Variants in C9orf50 observed in about 807,000 individuals in gnomAD.
C9orf50 encodes uncharacterized protein C9orf50.
Under a neutral mutation model 42.5 loss-of-function variants are expected in C9orf50, and 33 were observed. The observed-to-expected ratio is 0.78, with a 90% CI of 0.59 to 1.04. The LOEUF (loss-of-function observed/expected upper bound fraction) is 1.04. Among genes scored for constraint, C9orf50 ranks in the 50% least tolerant of loss-of-function variants. The pLI is 0.00. For synonymous variants in C9orf50, 257 were observed against 273.4 expected (o/e 0.94, Z 0.59); for missense variants, 547 against 594.3 (o/e 0.92, Z 0.83).
rs760868670 is a variant in C9orf50, at chr9:129,619,725, C to T, written c.599+15G>A. The T allele has an allele frequency of 3.1e-6, 5 of 1,613,624 alleles. No homozygotes were observed. The South Asian group carries it at 3.3e-5, about 11-fold the overall frequency. ...TGGCAACCCCGTCCCCACCAAGAAG[C>T]GGACTGACGCTTACCACAGGTCTGG... On this transcript the variant is annotated intron_variant, in intron 2 of 6. Transcript: ENST00000372478.
chr9:129,613,283 G>T lies in C9orf50; in HGVS notation c.1044-32C>A. On this transcript the variant is annotated intron_variant, in intron 5 of 6. Coordinates refer to ENST00000372478, the Ensembl canonical transcript of C9orf50. The surrounding 1 kb of genome is among the most constrained non-coding windows in gnomAD (Gnocchi z 6.2). Reference sequence around the variant, plus strand: ...GAGACAGGACCCCATGAGCTTCCTGGACTCTGAGTCCCCGGCCCACCCATG... The same window carrying T: ...GAGACAGGACCCCATGAGCTTCCTGTACTCTGAGTCCCCGGCCCACCCATG... 6.3e-7 allele frequency: 1 copy of T among 1,579,824 alleles called. No individual in the cohort carries two copies. The highest frequency in any genetic ancestry group is 1.1e-5 in the South Asian group (1 of 87,000).
intron 4 of C9orf50, 124 bp downstream of exon 4, chr9:129,615,360 G>A: frequency 9.4e-7 from 1 of 1,061,642 alleles, no homozygotes; most frequent in African/African-American, 1.6e-5. Context: ...ATCCTCTGCA[G>A]GATCACTGAT....
At chr9:129,620,915 G>GT (rs918008528), upstream of C9orf50, 4 of 244,348 alleles carry the variant, frequency 1.6e-5, no homozygotes, top group Non-Finnish European at 3.1e-5. This position sits in a 1 kb window ranked among gnomAD's most constrained non-coding sequence, Gnocchi z 5.8. Context: ...GCCATTCTTA[G>GT]TATTTCAAAG....
chr9:129,620,455 G>C lies in C9orf50; in HGVS notation c.120C>G (p.Leu40=). 7.5e-7 allele frequency: 1 copy of C among 1,326,148 alleles called. No individual in the cohort carries two copies. The highest frequency in any genetic ancestry group is 9.7e-7 in the Non-Finnish European group (1 of 1,035,852). The allele number at this position is 1,326,148 out of a possible 1,614,324, so 82.1% of individuals were successfully genotyped here. The stretch of plus-strand genomic sequence containing the variant: ...AGCCCCGCGCGCCCAGAGCCGCTCG[G>C]AGCGCGGGCGGGGTCAGCTTGGGCA... The change falls in exon 1 of 7, where the codon CTC becomes CTG. Residue 40 remains leucine (L), a synonymous_variant. Transcript: ENST00000372478. This position sits in a 1 kb window ranked among gnomAD's most constrained non-coding sequence, Gnocchi z 5.8.
At position 129,620,555 on chromosome 9, in the gene C9orf50, C is replaced by G; in HGVS notation, c.20G>C (p.Arg7Pro). ...GGGCGCCAGGTCCTGGGCCCCTGGG[C>G]GAAGTCGACGCCAGAACATGCTTGG... Residue 7 changes from arginine to proline, a missense_variant, in exon 1 of 7, where the codon CGC becomes CCC. Coordinates refer to ENST00000372478, the Ensembl canonical transcript of C9orf50. This position sits in a 1 kb window ranked among gnomAD's most constrained non-coding sequence, Gnocchi z 5.8. The G allele has an allele frequency of 7.2e-7, 1 of 1,389,532 alleles. No homozygotes were observed. Among genetic ancestry groups the G allele is most frequent in the South Asian group, 1.6e-5 (1 of 61,440 alleles). The allele number at this position is 1,389,532 out of a possible 1,614,324, so 86.1% of individuals were successfully genotyped here. A position where few individuals can be genotyped will look rare whatever the true frequency, so the allele number is the denominator to read the frequency against.
intron 3 of C9orf50, among the ~76,000 whole-genome samples, chr9:129,617,217 A>G (rs1588117961): frequency 6.6e-6 from 1 of 152,242 alleles, no homozygotes; most frequent in African/African-American, 2.4e-5. Flanking sequence ...CCACATCTGT[A>G]TGTCTGTGTA....
At position 129,620,275 on chromosome 9, in the gene C9orf50, C is replaced by T. The variant is rs1202569785; in HGVS notation, c.300G>A (p.Leu100=). 2.3e-6 allele frequency: 3 copies of T among 1,305,096 alleles called. No homozygotes were observed. Among genetic ancestry groups the T allele is most frequent in the African/African-American group, 1.5e-5 (1 of 64,696 alleles). The allele number at this position is 1,305,096 out of a possible 1,614,324, so 80.8% of individuals were successfully genotyped here. ...CGGCCGACAGCAGGGGAGGCGGCAG[C>T]AGGGACCGCAGCAGCCCCCGCTTCC... Residue 100 remains leucine (L), a synonymous_variant, in exon 1 of 7, where the codon CTG becomes CTA. Coordinates refer to ENST00000372478, the Ensembl canonical transcript of C9orf50. The surrounding 1 kb of genome is among the most constrained non-coding windows in gnomAD (Gnocchi z 5.8).
intron 3 of C9orf50, 97 bp from the exon 4 acceptor site, chr9:129,615,744 C>T: frequency 7.6e-7 from 1 of 1,320,110 alleles, no homozygotes; most frequent in Non-Finnish European, 1.0e-6. Flanking sequence ...TGGACAAGTG[C>T]CCTACACTGG....
rs1564331824 is a variant in C9orf50 at position 129,613,044 on chromosome 9, C to T, written c.1188+63G>A. The T allele has an allele frequency of 2.5e-6, 4 of 1,600,418 alleles. No homozygotes were observed. Among genetic ancestry groups the T allele is most frequent in the East Asian group, 2.2e-5 (1 of 44,500 alleles). On this transcript the variant is annotated intron_variant, in intron 6 of 6. Transcript: ENST00000372478. This position sits in a 1 kb window ranked among gnomAD's most constrained non-coding sequence, Gnocchi z 6.2. ...CCACTCCACCAAACAGGGCTGCTCC[C>T]GGAGCCAGCTGCCAGCAGGGGCTCA...
At chr9:129,621,421 A>C (rs1830705709), upstream of C9orf50, among the ~76,000 whole-genome samples, 1 of 152,232 alleles carries the variant, frequency 6.6e-6, no homozygotes, top group Non-Finnish European at 1.5e-5. Context: ...CAATGGCACC[A>C]TCATAGCTCA....
At position 129,620,008 on chromosome 9, in the gene C9orf50, G is replaced by A. The variant is rs1329052691; in HGVS notation, c.508+59C>T. 4 of 1,466,102 alleles carry A rather than the reference G, an allele frequency of 2.7e-6. No homozygotes were observed. The African/African-American group carries it at 5.7e-5, about 21-fold the overall frequency. The allele number at this position is 1,466,102 out of a possible 1,614,324, so 90.8% of individuals were successfully genotyped here. A position where few individuals can be genotyped will look rare whatever the true frequency, so the allele number is the denominator to read the frequency against. On this transcript the variant is annotated intron_variant, in intron 1 of 6. Transcript: ENST00000372478. This position sits in a 1 kb window ranked among gnomAD's most constrained non-coding sequence, Gnocchi z 5.8. Reference sequence around the variant, plus strand: ...TGGGGTGGTGGGTGCGGGGACACAAGGGACCACCCCCCACCGGAAATGACT... The same window carrying A: ...TGGGGTGGTGGGTGCGGGGACACAAAGGACCACCCCCCACCGGAAATGACT...
intron 3 of C9orf50, among the ~76,000 whole-genome samples, chr9:129,617,504 G>C (rs1185467858): frequency 6.6e-6 from 1 of 152,230 alleles, no homozygotes; most frequent in Non-Finnish European, 1.5e-5. Context: ...ACACAGTAAG[G>C]TGCTCAAGTA....
upstream of C9orf50, among the ~76,000 whole-genome samples, chr9:129,621,343 C>G (rs1315236613): frequency 6.6e-6 from 1 of 152,092 alleles, no homozygotes; most frequent in Non-Finnish European, 1.5e-5. Flanking sequence ...GTTTGTTGTT[C>G]TTGTTGTTGT....
intron 4 of C9orf50, among the ~76,000 whole-genome samples, chr9:129,615,276 C>G (rs367851464): frequency 6.6e-6 from 1 of 152,210 alleles, no homozygotes; most frequent in Non-Finnish European, 1.5e-5. Flanking sequence ...TGGAACACCT[C>G]CACTGGACTC....
intron 2 of C9orf50, 51 bp downstream of exon 2, chr9:129,619,689 G>A: frequency 6.2e-7 from 1 of 1,612,206 alleles, no homozygotes; most frequent in South Asian, 1.1e-5. Flanking sequence ...GTCCCGCCCT[G>A]GAAACATCGA....
At chr9:129,619,202 G>A (rs1250048375) in intron 3 of C9orf50, among the ~76,000 whole-genome samples, 1 of 152,208 alleles carries the variant, frequency 6.6e-6, no homozygotes, top group Non-Finnish European at 1.5e-5. Flanking sequence ...TGAACGGGTT[G>A]TAGAAGACTT....
intron 3 of C9orf50, among the ~76,000 whole-genome samples, chr9:129,616,247 G>A (rs565595282): frequency 5.8e-4 from 88 of 152,258 alleles, no homozygotes; most frequent in African/African-American, 2.0e-3. Flanking sequence ...ACAGATTCTC[G>A]CTCTGTGGCT....
At position 129,615,652 on chromosome 9, in the gene C9orf50, G is replaced by A; in HGVS notation, c.717-5C>T. 3 of 1,536,876 alleles carry A rather than the reference G, an allele frequency of 2.0e-6. No homozygotes were observed. Among genetic ancestry groups the A allele is most frequent in the Non-Finnish European group, 2.6e-6 (3 of 1,147,324 alleles). ...ACCTGTGCACCGTGGGGCCTGCTGA[G>A]AGAGGGGAGAGGGGCCTGTGCTCGA... On this transcript the variant is annotated splice_polypyrimidine_tract_variant and splice_region_variant and intron_variant, in intron 3 of 6. Coordinates refer to ENST00000372478, the Ensembl canonical transcript of C9orf50.
intron 3 of C9orf50, 32 bp from the exon 4 acceptor site, chr9:129,615,679 GC>G (rs776075624): frequency 1.3e-6 from 2 of 1,496,260 alleles, no homozygotes; most frequent in Non-Finnish European, 1.8e-6. Context: ...TGTGCTCGAA[GC>G]CCCCCACCGT....
Sources: gnomAD v4.1 joint callset for allele counts (sites outside exome capture counted in the v4.1 genomes callset) on GRCh38, gnomAD v4.1.1 for gene constraint, Gnocchi (gnomAD v3.1) non-coding constraint, MANE v1.5 for transcripts, NCBI Gene and HGNC (gene_info 2026-07-23, HGNC 2026-07-21) for gene names.